Variants in TLE5 observed in about 807,000 individuals in gnomAD.
TLE5 encodes TLE family member 5.
TLE5 carries 7 observed loss-of-function variants against 25.8 expected under a neutral mutation model. The ratio of observed to expected loss-of-function variants is 0.27; its 90% confidence interval spans 0.15 to 0.51. The LOEUF is 0.51. TLE5 is among the 20% of genes least tolerant of loss of function. The pLI, the probability that TLE5 is intolerant of heterozygous loss-of-function variation, is 0.97. For synonymous variants in TLE5, 132 were observed against 110.5 expected (o/e 1.20, Z -1.22); for missense variants, 149 against 250.7 (o/e 0.59, Z 2.74).
rs559742387 is a variant in TLE5, at chr19:3,061,041, G to A, written c.125+119C>T. 51 of 731,072 alleles carry A rather than the reference G, an allele frequency of 7.0e-5. No homozygotes were observed. In the African/African-American group the frequency reaches 8.8e-4, roughly 13 times the overall value. 45.3% of individuals were successfully genotyped at this position (731,072 alleles called of 1,614,324 possible). On this transcript the variant is annotated intron_variant, in intron 2 of 6. Coordinates refer to ENST00000327141, the MANE Select transcript of TLE5 (RefSeq NM_001130.6). ...GAATTCAGTATTTGTCAAGTGATTA[G>A]GTCAGAGTCTAGCATATATTATTTT...
chr19:3,056,042 AGGG>A, intron 4 of TLE5: 1 of 500,784 alleles, frequency 2.0e-6, no homozygotes, highest in Middle Eastern at 5.2e-4. Flanking sequence ...GAATGTAGGG[AGGG>A]CTGGGGGCCG....
chr19:3,053,873 C>G lies in TLE5; in HGVS notation c.540G>C (p.Lys180Asn). ...GGTGGGTGTCACCATCGTGCCCGTT[C>G]TTGTCTTCCTTGGAGAGGTGGGCCT... The part of the protein sequence containing the change: ...GSQAHLSKED[K>N]NGHDGDTHQE... The change falls in exon 7 of 7, where the codon AAG becomes AAC. Residue 180 changes from lysine to asparagine, a missense_variant. Lys to Asn is a moderately conservative substitution (Grantham distance 94). Coordinates refer to ENST00000327141, the MANE Select transcript of TLE5 (RefSeq NM_001130.6). 6.2e-7 allele frequency: 1 copy of G among 1,613,356 alleles called. No homozygotes were observed. The highest frequency in any genetic ancestry group is 8.5e-7 in the Non-Finnish European group (1 of 1,180,020).
At chr19:3,059,937 GA>G (rs1325564699) in intron 2 of TLE5, among the ~76,000 whole-genome samples, 1 of 152,182 alleles carries the variant, frequency 6.6e-6, no homozygotes, top group East Asian at 1.9e-4. Context: ...ACAGTCGGAC[GA>G]CAGGAAGGAT....
At chr19:3,058,101 T>C (rs1285888083) in intron 2 of TLE5, among the ~76,000 whole-genome samples, 1 of 75,726 alleles carries the variant, frequency 1.3e-5, no homozygotes, top group Non-Finnish European at 2.4e-5. Flanking sequence ...TTGAGCTCTC[T>C]GTGATGCTGC....
At chr19:3,062,639 C>T, upstream of TLE5, 1 of 1,198,772 alleles carries the variant, frequency 8.3e-7, no homozygotes, top group Non-Finnish European at 1.0e-6. Flanking sequence ...CCGCCCGCCG[C>T]GGTGACCTTG....
chr19:3,055,159 C>G (rs1375800996), intron 5 of TLE5: 1 of 152,732 alleles, frequency 6.5e-6, no homozygotes, highest in Non-Finnish European at 1.5e-5. Context: ...GCTGTCTGCA[C>G]ACACGTGTAT....
intron 2 of TLE5, chr19:3,060,949 G>A (rs1395842200): frequency 7.6e-6 from 3 of 392,848 alleles, no homozygotes; most frequent in African/African-American, 4.1e-5. Flanking sequence ...GAATCTTTGG[G>A]CAAATTATTT....
At chr19:3,056,631 T>C in intron 3 of TLE5, 1 of 645,598 alleles carries the variant, frequency 1.5e-6, no homozygotes, top group South Asian at 1.5e-5. Flanking sequence ...CTGGCCTGGC[T>C]CCTCCCCCAC....
At chr19:3,057,132 A>G (rs2090225985) in intron 3 of TLE5, among the ~76,000 whole-genome samples, 1 of 152,162 alleles carries the variant, frequency 6.6e-6, no homozygotes, top group Admixed American at 6.5e-5. Flanking sequence ...GGGCCAGGCC[A>G]AGGGTGGGTA....
chr19:3,058,090 G>C (rs1256985019), intron 2 of TLE5, among the ~76,000 whole-genome samples: 1 of 134,944 alleles, frequency 7.4e-6, no homozygotes, highest in South Asian at 2.4e-4. Flanking sequence ...GTTGGTAAGA[G>C]TTGAGCTCTC....
chr19:3,059,236 C>T (rs1028603995), intron 2 of TLE5, among the ~76,000 whole-genome samples: 7 of 152,064 alleles, frequency 4.6e-5, no homozygotes, highest in African/African-American at 1.7e-4. Flanking sequence ...CAAAAAAAAA[C>T]CGGGGCTGGG....
In TLE5 at chr19:3,061,144, C is replaced by T. The variant is rs767596156; in HGVS notation, c.125+16G>A. ...CACATTCTCGGGACGCAGGGACCCC[C>T]AGTCCCCCAGCTCACCTGTGGTACT... On this transcript the variant is annotated intron_variant, in intron 2 of 6. Transcript: ENST00000327141. The T allele has an allele frequency of 2.5e-6, 4 of 1,598,634 alleles. No homozygotes were observed. The highest frequency in any genetic ancestry group is 2.7e-5 in the African/African-American group (2 of 74,576).
At chr19:3,060,885 A>G (rs1413736274) in intron 2 of TLE5, 2 of 247,842 alleles carry the variant, frequency 8.1e-6, no homozygotes, top group Non-Finnish European at 1.6e-5. Flanking sequence ...CTTTTATCCA[A>G]TGGGGGACTT....
At chr19:3,062,786 CACGACCTGG>C (rs2090283840), upstream of TLE5, 6 of 1,549,638 alleles carry the variant, frequency 3.9e-6, no homozygotes, top group East Asian at 1.5e-4. Context: ...CCTGCTGTGG[CACGACCTGG>C]ACGCGTGCCA....
At position 3,053,512 on chromosome 19, in the gene TLE5, C is replaced by G. The variant is rs895402528; in HGVS notation, c.*307G>C. 1 of 459,952 alleles carries G rather than the reference C, an allele frequency of 2.2e-6. No individual in the cohort carries two copies. The highest frequency in any genetic ancestry group is 3.1e-5 in the South Asian group (1 of 32,636). The allele number at this position is 459,952 out of a possible 1,614,324, so 28.5% of individuals were successfully genotyped here. A position where few individuals can be genotyped will look rare whatever the true frequency, so the allele number is the denominator to read the frequency against. ...GAAGGGCCGGGGCTGCTGCGCTTCG[C>G]GAGGTCTTGCTCCCTTGGGACCTGG... On this transcript the variant is annotated 3_prime_UTR_variant, in exon 7 of 7. Coordinates refer to ENST00000327141, the MANE Select transcript of TLE5 (RefSeq NM_001130.6).
intron 2 of TLE5, among the ~76,000 whole-genome samples, chr19:3,058,220 C>T (rs1004630050): frequency 1.3e-5 from 2 of 152,082 alleles, no homozygotes; most frequent in Admixed American, 6.5e-5. Context: ...ATTATAGGAA[C>T]AACAGAAGTT....
At position 3,053,951 on chromosome 19, in the gene TLE5, C is replaced by T. The variant is rs1225498675; in HGVS notation, c.462G>A (p.Leu154=). Reference sequence around the variant, plus strand: ...GGCCGGTGCCTGCGCTGACCGCCGGCAGCGAAGGCGGCTGCAGCCCCACGG... The same window carrying T: ...GGCCGGTGCCTGCGCTGACCGCCGGTAGCGAAGGCGGCTGCAGCCCCACGG... ...PLPVGLQPPS[L]PAVSAGTGLL... The change falls in exon 7 of 7, where the codon CTG becomes CTA. Residue 154 remains leucine (L), a synonymous_variant. Coordinates refer to ENST00000327141, the MANE Select transcript of TLE5 (RefSeq NM_001130.6). 2.5e-6 allele frequency: 4 copies of T among 1,611,890 alleles called. No homozygotes were observed. The Admixed American group carries it at 6.7e-5, about 27-fold the overall frequency.
At chr19:3,061,496 G>C (rs759359429) in intron 1 of TLE5, 4 of 325,684 alleles carry the variant, frequency 1.2e-5, no homozygotes, top group African/African-American at 9.0e-5. Flanking sequence ...CCCAGGCAGT[G>C]GGGGTGCGTT....
chr19:3,054,086 T>TCGGGGGGGGGGCCCCCCCCCCCC, intron 6 of TLE5, 34 bp downstream of exon 6: 1 of 1,512,810 alleles, frequency 6.6e-7, no homozygotes, highest in Non-Finnish European at 8.9e-7. Context: ...GGCCCACCTG[T>TCGGGGGGGGGGCCCCCCCCCCCC]CCCCCGCCCA....
Sources: gnomAD v4.1 joint callset for allele counts (sites outside exome capture counted in the v4.1 genomes callset) on GRCh38, gnomAD v4.1.1 for gene constraint, MANE v1.5 for transcripts, NCBI Gene and HGNC (gene_info 2026-07-23, HGNC 2026-07-21) for gene names.